The following KAT2B variants were observed in gnomAD, a reference collection of about 807,000 sequenced individuals.
The protein encoded by KAT2B is histone acetyltransferase KAT2B.
Under a neutral mutation model 105.9 loss-of-function variants are expected in KAT2B, and 36 were observed. The observed-to-expected ratio is 0.34, with a 90% confidence interval of 0.26 to 0.45. KAT2B has a LOEUF of 0.45. KAT2B is among the 20% of genes least tolerant of loss of function. The probability of loss-of-function intolerance (pLI) is 1.00; values close to 1 mark genes in which losing one functional copy is unlikely to be tolerated. For synonymous variants in KAT2B, 397 were observed against 377.9 expected (o/e 1.05, Z -0.59); for missense variants, 820 against 1,021.6 (o/e 0.80, Z 2.69).
chr3:20,055,062 G>C (rs1290496607), intron 1 of KAT2B, among the ~76,000 whole-genome samples: 2 of 151,926 alleles, frequency 1.3e-5, no homozygotes, highest in African/African-American at 2.4e-5. Flanking sequence ...GTGGGAGAGA[G>C]ACCCAGCCCA....
intron 1 of KAT2B, among the ~76,000 whole-genome samples, chr3:20,042,410 C>G (rs1001522177): frequency 6.6e-6 from 1 of 152,068 alleles, no homozygotes; most frequent in Non-Finnish European, 1.5e-5. Flanking sequence ...GGCAGAAGGG[C>G]GAGCTATGTA....
chr3:20,099,743 C>CTG (rs534300899), intron 3 of KAT2B, 119 bp from the exon 4 acceptor site: 674 of 531,214 alleles, frequency 1.3e-3, no homozygotes, highest in African/African-American at 0.01. Context: ...CCTTTAAAGG[C>CTG]TGTGTGTGTG....
intron 7 of KAT2B, among the ~76,000 whole-genome samples, chr3:20,118,749 AGAG>A: frequency 6.3e-5 from 4 of 63,880 alleles, no homozygotes; most frequent in South Asian, 4.0e-4. Context: ...AAAAAAAAAG[AGAG>A]AGAGCGAACT....
At chr3:20,129,038 T>C (rs1252934446) in intron 11 of KAT2B, among the ~76,000 whole-genome samples, 2 of 149,954 alleles carry the variant, frequency 1.3e-5, no homozygotes, top group African/African-American at 2.4e-5. Context: ...AAGAATGTTA[T>C]TCATTTAGGA....
chr3:20,100,014 C>A, intron 4 of KAT2B, 60 bp downstream of exon 4: 1 of 878,334 alleles, frequency 1.1e-6, no homozygotes, highest in Non-Finnish European at 1.9e-6. Context: ...TCTTTTAATC[C>A]TCCTTTTATA....
At position 20,115,006 on chromosome 3, in the gene KAT2B, T is replaced by G. The variant is rs747786674; in HGVS notation, c.1150+18T>G. 5.9e-6 allele frequency: 9 copies of G among 1,521,582 alleles called. No homozygotes were observed. In the Admixed American group the frequency reaches 1.3e-4, roughly 23 times the overall value. 94.3% of individuals were successfully genotyped at this position (1,521,582 alleles called of 1,614,324 possible). On this transcript the variant is annotated intron_variant, in intron 7 of 17. Coordinates refer to ENST00000263754, the MANE Select transcript of KAT2B (RefSeq NM_003884.5). Reference sequence around the variant, plus strand: ...CCAAACAGGTAAGTTTCCTTTTACATGAATCAGAGAACAACCAGGGAGGCC... The same window carrying G: ...CCAAACAGGTAAGTTTCCTTTTACAGGAATCAGAGAACAACCAGGGAGGCC...
At chr3:20,124,929 G>T (rs898667427) in intron 9 of KAT2B, among the ~76,000 whole-genome samples, 1 of 152,336 alleles carries the variant, frequency 6.6e-6, no homozygotes, top group Admixed American at 6.5e-5. Context: ...AAGATGGGGA[G>T]CATAAGTGCT....
rs36058009 is a variant in KAT2B, at chr3:20,063,534, C to CTTTTTTT, written c.304-8775_304-8769dup. On this transcript the variant is annotated intron_variant, in intron 1 of 17. Transcript: ENST00000263754. ...CTCACAGCAACTTCTGAGTAGGCCT[C>CTTTTTTT]TTTTTTTTTTTTTTTTTTTTTTTTT... 4.5e-4 allele frequency among the ~76,000 whole-genome samples: 40 copies of CTTTTTTT among 88,838 alleles called. 7 individuals are homozygous for CTTTTTTT. Among genetic ancestry groups the CTTTTTTT allele is most frequent in the Non-Finnish European group, 8.2e-4 (37 of 45,370 alleles). 58.3% of individuals were successfully genotyped at this position (88,838 alleles called of 152,430 possible).
intron 1 of KAT2B, among the ~76,000 whole-genome samples, chr3:20,050,089 A>G (rs1334915208): frequency 6.6e-6 from 1 of 151,784 alleles, no homozygotes. Flanking sequence ...AGTCCCAGCT[A>G]CTCAGAAGGC....
intron 17 of KAT2B, 136 bp downstream of exon 17, chr3:20,148,623 C>A: frequency 3.1e-6 from 2 of 647,208 alleles, no homozygotes; most frequent in South Asian, 2.1e-5. Context: ...ATTCCATGCA[C>A]CGTGGCGGGT....
At chr3:20,103,049 A>T (rs954667637) in intron 5 of KAT2B, among the ~76,000 whole-genome samples, 2 of 152,194 alleles carry the variant, frequency 1.3e-5, no homozygotes, top group African/African-American at 4.8e-5. Context: ...GTTATAAAGT[A>T]TTTTCTCCTT....
intron 2 of KAT2B, among the ~76,000 whole-genome samples, chr3:20,080,553 C>T (rs995479366): frequency 7.2e-5 from 11 of 152,124 alleles, no homozygotes; most frequent in Non-Finnish European, 2.9e-5. Context: ...ATATTTAGTT[C>T]GTTGTGCATA....
chr3:20,108,677 C>A (rs1227738050), intron 5 of KAT2B, among the ~76,000 whole-genome samples: 1 of 152,148 alleles, frequency 6.6e-6, no homozygotes, highest in Admixed American at 6.5e-5. Context: ...CAGGGGTCCC[C>A]CACCCCTGGG....
chr3:20,139,137 A>T (rs1306899116), intron 12 of KAT2B, among the ~76,000 whole-genome samples: 2 of 149,096 alleles, frequency 1.3e-5, no homozygotes, highest in Non-Finnish European at 3.0e-5. Flanking sequence ...CTGGTCTTGA[A>T]CTCTTGGACT....
chr3:20,055,593 G>A (rs1186191690), intron 1 of KAT2B, among the ~76,000 whole-genome samples: 1 of 152,128 alleles, frequency 6.6e-6, no homozygotes, highest in African/African-American at 2.4e-5. Flanking sequence ...TGTCGTGTGT[G>A]AGGCCTGTCA....
At chr3:20,119,524 A>G in intron 7 of KAT2B, 74 bp from the exon 8 acceptor site, 1 of 1,543,610 alleles carries the variant, frequency 6.5e-7, no homozygotes, top group Non-Finnish European at 8.9e-7. Context: ...GGGTGGTCCC[A>G]TGTGCACTTC....
intron 13 of KAT2B, among the ~76,000 whole-genome samples, chr3:20,145,389 A>G (rs753991358): frequency 1.3e-5 from 2 of 152,114 alleles, no homozygotes; most frequent in African/African-American, 2.4e-5. Context: ...AACTGTTAGG[A>G]TTACATATTC....
chr3:20,064,088 A>C (rs1257692166), intron 1 of KAT2B, among the ~76,000 whole-genome samples: 2 of 152,222 alleles, frequency 1.3e-5, no homozygotes, highest in African/African-American at 2.4e-5. Flanking sequence ...AGAAGCTAGC[A>C]AACTGTTTTC....
Position 20,126,098 on chromosome 3 carries a change from G to C in KAT2B, c.1607G>C (p.Arg536Pro). Residue 536 changes from arginine to proline, a missense_variant, in exon 10 of 18, where the codon CGG becomes CCG. Coordinates refer to ENST00000263754, the MANE Select transcript of KAT2B (RefSeq NM_003884.5). ...CGAATGCCAAAAGAATACATCACACGGCTCGTCTTTGACCCGTAAGTGGTA... is the reference window on the plus strand; with the variant it reads ...CGAATGCCAAAAGAATACATCACACCGCTCGTCTTTGACCCGTAAGTGGTA... ...LPRMPKEYIT[R>P]LVFDPKHKTL... is the part of the protein sequence containing the mutation. 1 of 1,604,018 alleles carries C rather than the reference G, an allele frequency of 6.2e-7. No homozygotes were observed. Among genetic ancestry groups the C allele is most frequent in the Non-Finnish European group, 8.5e-7 (1 of 1,174,674 alleles).
Sources: gnomAD v4.1 joint callset for allele counts (sites outside exome capture counted in the v4.1 genomes callset) on GRCh38, gnomAD v4.1.1 for gene constraint, MANE v1.5 for transcripts, NCBI Gene and HGNC (gene_info 2026-07-23, HGNC 2026-07-21) for gene names.